AIM2: variants seen among roughly 807,000 people sequenced by gnomAD.
AIM2 encodes the protein interferon-inducible protein AIM2.
AIM2 carries 30 observed loss-of-function variants against 27.7 expected under a neutral mutation model. That is an observed-to-expected ratio of 1.08 (90% CI 0.81 to 1.47). The LOEUF (loss-of-function observed/expected upper bound fraction) is 1.47, where lower values mean the gene tolerates loss of function less well. Among genes scored for constraint, AIM2 ranks in the 40% most tolerant of loss-of-function variants. The pLI is 0.00. For missense variants in AIM2, 358 were observed against 411.3 expected (o/e 0.87, Z 1.12); for synonymous variants, 141 against 145.3 (o/e 0.97, Z 0.21).
chr1:159,141,715 C>T (rs1329735206), upstream of AIM2, among the ~76,000 whole-genome samples: 1 of 152,070 alleles, frequency 6.6e-6, no homozygotes, highest in Non-Finnish European at 1.5e-5. Context: ...AGCACCAGAA[C>T]TGAAAAAGCA....
chr1:159,143,103 A>C (rs1297313117), upstream of AIM2, among the ~76,000 whole-genome samples: 3 of 152,192 alleles, frequency 2.0e-5, no homozygotes, highest in Non-Finnish European at 2.9e-5. Flanking sequence ...AATATGACTA[A>C]ATGAAACAAT....
intron 1 of AIM2, among the ~76,000 whole-genome samples, chr1:159,125,523 A>T (rs1647662869): frequency 6.6e-6 from 1 of 152,242 alleles, no homozygotes; most frequent in Non-Finnish European, 1.5e-5. Context: ...AAATGACAAT[A>T]CAAAGAATTA....
At chr1:159,094,175 A>G (rs147547275) in intron 1 of AIM2, among the ~76,000 whole-genome samples, 1 of 152,356 alleles carries the variant, frequency 6.6e-6, no homozygotes, top group Non-Finnish European at 1.5e-5. Context: ...GAACCAGAGG[A>G]CAGACGGGAA....
chr1:159,064,922 G>T (rs72709573), intron 4 of AIM2, among the ~76,000 whole-genome samples: 1 of 152,188 alleles, frequency 6.6e-6, no homozygotes, highest in African/African-American at 2.4e-5. Context: ...GAGATTGATC[G>T]TATTTTAGGT....
At chr1:159,094,929 C>T (rs768231808) in intron 1 of AIM2, among the ~76,000 whole-genome samples, 1 of 151,880 alleles carries the variant, frequency 6.6e-6, no homozygotes, top group Non-Finnish European at 1.5e-5. Context: ...AAAAAAAAAC[C>T]CTGAATATCA....
upstream of AIM2, among the ~76,000 whole-genome samples, chr1:159,141,546 G>T (rs777411321): frequency 9.9e-5 from 15 of 152,048 alleles, no homozygotes; most frequent in Non-Finnish European, 2.1e-4. Context: ...CTCCAGGGAG[G>T]AGTAAATATA....
chr1:159,063,693 AC>A lies in AIM2; in HGVS notation c.817-20del, dbSNP rs1557890132. 2 of 1,607,530 alleles carry A rather than the reference AC, an allele frequency of 1.2e-6. No individual in the cohort carries two copies. Among genetic ancestry groups the A allele is most frequent in the Non-Finnish European group, 8.5e-7 (1 of 1,176,790 alleles). On this transcript the variant is annotated intron_variant, in intron 4 of 5. Coordinates refer to ENST00000368130, the MANE Select transcript of AIM2 (RefSeq NM_004833.3). ...CTGTTACCTATAAAAGAAAATCAAC[AC>A]CCAGCCTCTGATAATCGGATTAATG... is the stretch of plus-strand genomic sequence containing the variant.
intron 1 of AIM2, among the ~76,000 whole-genome samples, chr1:159,124,431 G>A (rs116695820): frequency 0.015 from 2,358 of 152,286 alleles, 57 homozygotes; most frequent in African/African-American, 0.054. Flanking sequence ...TGGAAAAAGC[G>A]TCCTAGCCCC....
chr1:159,100,129 C>T (rs1234382695), intron 1 of AIM2, among the ~76,000 whole-genome samples: 1 of 152,208 alleles, frequency 6.6e-6, no homozygotes, highest in Non-Finnish European at 1.5e-5. Flanking sequence ...CCTTTCTCTA[C>T]CTTATAATGC....
intron 1 of AIM2, among the ~76,000 whole-genome samples, chr1:159,103,880 T>C (rs1657367914): frequency 6.6e-6 from 1 of 152,108 alleles, no homozygotes; most frequent in Non-Finnish European, 1.5e-5. Context: ...AAGGAGGATG[T>C]AAGGAGATTT....
chr1:159,122,685 C>A (rs971168142), intron 1 of AIM2, among the ~76,000 whole-genome samples: 1 of 152,192 alleles, frequency 6.6e-6, no homozygotes, highest in Non-Finnish European at 1.5e-5. Flanking sequence ...CCTTGGTTCT[C>A]GGCAGAACAA....
At chr1:159,122,366 A>T (rs376714134) in intron 1 of AIM2, 1 of 152,190 alleles carries the variant, frequency 6.6e-6, no homozygotes, top group Non-Finnish European at 1.5e-5. Context: ...ACTGGCATCA[A>T]TATCCAGTAA....
chr1:159,107,173 C>T (rs186915851), intron 1 of AIM2, among the ~76,000 whole-genome samples: 3 of 152,242 alleles, frequency 2.0e-5, no homozygotes, highest in Admixed American at 6.5e-5. Context: ...ACTAGTAAAT[C>T]GCCATCATCT....
At chr1:159,079,717 T>C (rs1034992104), upstream of AIM2, among the ~76,000 whole-genome samples, 1 of 152,028 alleles carries the variant, frequency 6.6e-6, no homozygotes, top group Non-Finnish European at 1.5e-5. Flanking sequence ...GACTCCAGAG[T>C]TGCCACTAGG....
downstream of AIM2, among the ~76,000 whole-genome samples, chr1:159,059,262 C>T (rs1298351998): frequency 6.6e-6 from 1 of 151,508 alleles, no homozygotes; most frequent in Non-Finnish European, 1.5e-5. Context: ...CACACACACA[C>T]ACACCAAACA....
At chr1:159,143,455 G>A (rs1029064805), upstream of AIM2, among the ~76,000 whole-genome samples, 1 of 152,176 alleles carries the variant, frequency 6.6e-6, no homozygotes, top group East Asian at 1.9e-4. Context: ...GCTGATGAAC[G>A]AGTTAGTCAA....
At chr1:159,137,037 C>T (rs1195734481) in intron 1 of AIM2, among the ~76,000 whole-genome samples, 1 of 152,184 alleles carries the variant, frequency 6.6e-6, no homozygotes, top group Non-Finnish European at 1.5e-5. Flanking sequence ...TCTATTCTAT[C>T]TCTGTCTGTT....
the AIM2 span, among the ~76,000 whole-genome samples, chr1:159,056,481 T>G: frequency 2.0e-5 from 3 of 151,916 alleles, 1 homozygote; most frequent in South Asian, 6.2e-4. Context: ...GGGGTGCTGT[T>G]TCGGCAAAAC....
At chr1:159,087,326 T>TAA (rs55914336) in intron 1 of AIM2, among the ~76,000 whole-genome samples, 59 of 146,942 alleles carry the variant, frequency 4.0e-4, no homozygotes, top group East Asian at 2.0e-3. Flanking sequence ...GAGGTTGTGA[T>TAA]AAAAAAAAAA....
Sources: gnomAD v4.1 joint callset for allele counts (sites outside exome capture counted in the v4.1 genomes callset) on GRCh38, gnomAD v4.1.1 for gene constraint, MANE v1.5 for transcripts, NCBI Gene and HGNC (gene_info 2026-07-23, HGNC 2026-07-21) for gene names.